The following BCO1 variants were observed in gnomAD, a reference collection of about 807,000 sequenced individuals.
BCO1 encodes the protein beta-carotene oxygenase 1, also known as beta,beta-carotene 15,15'-dioxygenase.
BCO1 carries 54 observed loss-of-function variants against 56.3 expected under a neutral mutation model. The ratio of observed to expected loss-of-function variants is 0.96; its 90% CI spans 0.77 to 1.20. The LOEUF is 1.20. Among genes scored for constraint, BCO1 ranks in the 50% most tolerant of loss-of-function variants. BCO1 has a pLI of 0.00. For synonymous variants in BCO1, 318 were observed against 266.1 expected (o/e 1.20, Z -1.90); for missense variants, 801 against 690.9 (o/e 1.16, Z -1.79).
At chr16:81,250,317 C>T (rs1905711640) in intron 2 of BCO1, among the ~76,000 whole-genome samples, 1 of 152,176 alleles carries the variant, frequency 6.6e-6, no homozygotes. Context: ...CAGCTCCTGC[C>T]TCCCCATCTC....
At chr16:81,250,812 C>T (rs1296009467) in intron 2 of BCO1, among the ~76,000 whole-genome samples, 1 of 152,082 alleles carries the variant, frequency 6.6e-6, no homozygotes, top group Admixed American at 6.6e-5. Flanking sequence ...ACCTCCTGAC[C>T]TCAGGTGATC....
At chr16:81,286,658 G>C (rs1908196968) in intron 9 of BCO1, among the ~76,000 whole-genome samples, 1 of 151,322 alleles carries the variant, frequency 6.6e-6, no homozygotes, top group African/African-American at 2.4e-5. Flanking sequence ...AGACCAGCTT[G>C]GTCAACAATA....
At chr16:81,269,590 C>A (rs1259412289) in intron 6 of BCO1, among the ~76,000 whole-genome samples, 1 of 152,218 alleles carries the variant, frequency 6.6e-6, no homozygotes, top group African/African-American at 2.4e-5. Context: ...GCCTCCACCT[C>A]CTGAGTAGTT....
intron 7 of BCO1, among the ~76,000 whole-genome samples, chr16:81,278,437 G>C (rs1907682908): frequency 6.6e-6 from 1 of 152,172 alleles, no homozygotes; most frequent in African/African-American, 2.4e-5. Context: ...TGCAAAACAA[G>C]TCTTGCCCCT....
At chr16:81,242,841 T>G (rs1326711825) in intron 1 of BCO1, among the ~76,000 whole-genome samples, 1 of 152,118 alleles carries the variant, frequency 6.6e-6, no homozygotes, top group Non-Finnish European at 1.5e-5. Context: ...ATCGGTGGCA[T>G]TAGATTCTCA....
intron 3 of BCO1, among the ~76,000 whole-genome samples, chr16:81,261,679 C>A (rs1289429224): frequency 6.6e-6 from 1 of 152,108 alleles, no homozygotes; most frequent in Non-Finnish European, 1.5e-5. Flanking sequence ...TGTCTGAGTT[C>A]TTAGGATTCC....
At chr16:81,254,887 C>A (rs1906032590) in intron 2 of BCO1, among the ~76,000 whole-genome samples, 1 of 152,120 alleles carries the variant, frequency 6.6e-6, no homozygotes, top group Non-Finnish European at 1.5e-5. Flanking sequence ...GCCTTGACCT[C>A]CCAGGCTCAA....
At chr16:81,288,234 G>A (rs1392057763) in intron 10 of BCO1, among the ~76,000 whole-genome samples, 1 of 152,146 alleles carries the variant, frequency 6.6e-6, no homozygotes, top group Non-Finnish European at 1.5e-5. Flanking sequence ...CAGAATCTTG[G>A]TTTTAAAATT....
chr16:81,272,340 A>G (rs1295713778), intron 7 of BCO1, among the ~76,000 whole-genome samples: 10 of 151,176 alleles, frequency 6.6e-5, no homozygotes, highest in South Asian at 2.1e-4. Flanking sequence ...GGATGGTCTC[A>G]ACCTCCTGAC....
chr16:81,249,540 G>A lies in BCO1; in HGVS notation c.193+3937G>A, dbSNP rs370641612. Among the ~76,000 whole-genome samples the A allele has an allele frequency of 7.9e-5, 12 of 152,248 alleles. No individual in the cohort carries two copies. The East Asian group carries it at 2.1e-3, about 27-fold the overall frequency. The stretch of plus-strand genomic sequence containing the variant: ...CAAAATGCTGGGATTACAGGTGTGA[G>A]CCACTGTGCCCGGCCCCGGCTAGGT... On this transcript the variant is annotated intron_variant, in intron 2 of 10. Coordinates refer to ENST00000258168, the MANE Select transcript of BCO1 (RefSeq NM_017429.3).
At chr16:81,250,935 C>A (rs1329395055) in intron 2 of BCO1, among the ~76,000 whole-genome samples, 1 of 152,072 alleles carries the variant, frequency 6.6e-6, no homozygotes, top group Non-Finnish European at 1.5e-5. Context: ...GCATCATAGT[C>A]CTCAAAGATA....
chr16:81,239,020 ATTT>A (rs11339898), intron 1 of BCO1, 48 bp downstream of exon 1: 265 of 1,316,214 alleles, frequency 2.0e-4, no homozygotes, highest in African/African-American at 5.8e-4. Flanking sequence ...TTATTTTATT[ATTT>A]TTTTTTTTTT....
chr16:81,255,787 G>A (rs1006142506), intron 2 of BCO1, among the ~76,000 whole-genome samples: 1 of 150,732 alleles, frequency 6.6e-6, no homozygotes, highest in South Asian at 2.1e-4. Flanking sequence ...TTATAGGAGT[G>A]AGCCACCATG....
chr16:81,246,850 C>CA (rs71710906), intron 2 of BCO1, among the ~76,000 whole-genome samples: 1,281 of 83,258 alleles, frequency 0.015, 29 homozygotes, highest in African/African-American at 0.034. Context: ...GACTTTGTCT[C>CA]AAAAAAAAAA....
chr16:81,266,713 C>G (rs985223053), intron 5 of BCO1, among the ~76,000 whole-genome samples: 2 of 152,108 alleles, frequency 1.3e-5, no homozygotes, highest in East Asian at 1.9e-4. Flanking sequence ...AGATGACACA[C>G]CCCAGTCACA....
chr16:81,290,712 A>G lies in BCO1; in HGVS notation c.*135A>G. 1 of 682,430 alleles carries G rather than the reference A, an allele frequency of 1.5e-6. No individual in the cohort carries two copies. The highest frequency in any genetic ancestry group is 2.5e-6 in the Non-Finnish European group (1 of 406,416). The allele number at this position is 682,430 out of a possible 1,614,324, so 42.3% of individuals were successfully genotyped here. Reference sequence around the variant, plus strand: ...GTGGGTGCTTTGACAAGGGCATGGCAAGAGAGCTTGTCAGTATCATTTCTT... The same window carrying G: ...GTGGGTGCTTTGACAAGGGCATGGCGAGAGAGCTTGTCAGTATCATTTCTT... On this transcript the variant is annotated 3_prime_UTR_variant, in exon 11 of 11. Coordinates refer to ENST00000258168, the MANE Select transcript of BCO1 (RefSeq NM_017429.3).
intron 1 of BCO1, among the ~76,000 whole-genome samples, chr16:81,240,532 C>T (rs1905063388): frequency 6.6e-6 from 1 of 151,928 alleles, no homozygotes; most frequent in South Asian, 2.1e-4. Flanking sequence ...ATGGCGAAAT[C>T]CCTCTCTACT....
At chr16:81,287,080 A>G (rs1908225108) in intron 9 of BCO1, among the ~76,000 whole-genome samples, 1 of 150,180 alleles carries the variant, frequency 6.7e-6, no homozygotes, top group Admixed American at 6.6e-5. Context: ...CGTCTCAAAA[A>G]ACAAACAAAC....
Position 81,290,494 on chromosome 16 carries a change from A to G in BCO1, c.1561A>G (p.Met521Val), listed in dbSNP as rs780230107. ...TCTCCATGGATTATTCATTACAGAC[A>G]TGGACTGGGACACAAAAAAGCAGGC... ...MDLHGLFITD[M>V]DWDTKKQAAS... Residue 521 changes from methionine (M) to valine (V), a missense_variant, in exon 11 of 11, where the codon ATG becomes GTG. Met to Val is a conservative substitution (Grantham distance 21). Transcript: ENST00000258168. The G allele has an allele frequency of 5.6e-6, 9 of 1,614,198 alleles. No individual in the cohort carries two copies. The highest frequency in any genetic ancestry group is 4.0e-5 in the African/African-American group (3 of 75,038).
Sources: gnomAD v4.1 joint callset for allele counts (sites outside exome capture counted in the v4.1 genomes callset) on GRCh38, gnomAD v4.1.1 for gene constraint, MANE v1.5 for transcripts, NCBI Gene and HGNC (gene_info 2026-07-23, HGNC 2026-07-21) for gene names.